DNAH14: variants seen among roughly 807,000 people sequenced by gnomAD.
DNAH14 encodes the protein axonemal beta dynein heavy chain 14.
Under a neutral mutation model 520.9 loss-of-function variants are expected in DNAH14, and 478 were observed. The observed-to-expected ratio is 0.92, with a 90% CI of 0.85 to 0.99. The LOEUF (loss-of-function observed/expected upper bound fraction) is 0.99, where lower values mean the gene tolerates loss of function less well. Among genes scored for constraint, DNAH14 ranks in the 50% least tolerant of loss-of-function variants. The probability of loss-of-function intolerance (pLI) is 0.00; values close to 1 mark genes in which losing one functional copy is unlikely to be tolerated. For missense variants in DNAH14, 4,831 were observed against 5,234.5 expected (o/e 0.92, Z 2.38); for synonymous variants, 1,581 against 1,757.2 (o/e 0.90, Z 2.51).
At chr1:225,311,738 A>G (rs1231136202) in intron 60 of DNAH14, among the ~76,000 whole-genome samples, 1 of 152,194 alleles carries the variant, frequency 6.6e-6, no homozygotes, top group Non-Finnish European at 1.5e-5. Flanking sequence ...CCAGTTTGTC[A>G]AAGATCAGAT....
At chr1:225,087,004 ACAC>A (rs1467882773) in intron 21 of DNAH14, among the ~76,000 whole-genome samples, 2 of 126,830 alleles carry the variant, frequency 1.6e-5, no homozygotes, top group African/African-American at 5.1e-5. Flanking sequence ...ACACACACAC[ACAC>A]ACACACACAC....
At chr1:225,228,745 G>A (rs758504795) in intron 41 of DNAH14, among the ~76,000 whole-genome samples, 15 of 152,160 alleles carry the variant, frequency 9.9e-5, no homozygotes, top group South Asian at 2.1e-4. Flanking sequence ...TGCTGCATGC[G>A]TCTGTACTCT....
chr1:225,344,223 CT>C (rs35070108), intron 69 of DNAH14, among the ~76,000 whole-genome samples: 2,473 of 140,244 alleles, frequency 0.018, 48 homozygotes, highest in African/African-American at 0.053. Context: ...TAAAACTGGG[CT>C]TTTTTTTTTT....
At chr1:224,967,617 T>A in intron 6 of DNAH14, 34 bp downstream of exon 6, 1 of 1,594,900 alleles carries the variant, frequency 6.3e-7, no homozygotes, top group Non-Finnish European at 8.5e-7. Flanking sequence ...GCTTTCAGAA[T>A]TATATTACAA....
chr1:225,228,527 C>T (rs2090773531), intron 41 of DNAH14, among the ~76,000 whole-genome samples: 1 of 152,080 alleles, frequency 6.6e-6, no homozygotes, highest in Non-Finnish European at 1.5e-5. Flanking sequence ...AATCCCTAAT[C>T]GCCGTAGATC....
chr1:225,158,068 A>G (rs1015098243), intron 34 of DNAH14, among the ~76,000 whole-genome samples: 1 of 152,220 alleles, frequency 6.6e-6, no homozygotes, highest in Non-Finnish European at 1.5e-5. Flanking sequence ...CAAAGAAATG[A>G]TAAATGTTTG....
intron 35 of DNAH14, among the ~76,000 whole-genome samples, chr1:225,167,583 G>T (rs2082151933): frequency 6.6e-6 from 1 of 152,114 alleles, no homozygotes; most frequent in East Asian, 1.9e-4. Context: ...TTACAAAAAG[G>T]TCTACAACCT....
chr1:225,104,061 C>T (rs2075785584), intron 23 of DNAH14, among the ~76,000 whole-genome samples: 2 of 152,126 alleles, frequency 1.3e-5, no homozygotes, highest in Admixed American at 1.3e-4. Flanking sequence ...TGAGATACGT[C>T]CCCTCAATAC....
intron 32 of DNAH14, among the ~76,000 whole-genome samples, 158 bp from the exon 33 acceptor site, chr1:225,152,539 T>C (rs1842332): frequency 0.13 from 19,446 of 152,174 alleles, 1,401 homozygotes; most frequent in East Asian, 0.31. Flanking sequence ...GGAAGCTCTG[T>C]AAGATGAAAG....
chr1:225,144,175 G>A (rs901694250), intron 28 of DNAH14, among the ~76,000 whole-genome samples: 4 of 152,148 alleles, frequency 2.6e-5, no homozygotes, highest in Admixed American at 6.5e-5. Flanking sequence ...TCAGAGGGAA[G>A]CATGTTCACA....
At chr1:225,372,931 C>G (rs958058278) in intron 77 of DNAH14, among the ~76,000 whole-genome samples, 7 of 151,896 alleles carry the variant, frequency 4.6e-5, no homozygotes, top group African/African-American at 1.7e-4. Context: ...AAAAGATGCT[C>G]AAAATAACCA....
chr1:225,160,493 T>G (rs1246940755), intron 35 of DNAH14, among the ~76,000 whole-genome samples: 1 of 152,170 alleles, frequency 6.6e-6, no homozygotes, highest in Non-Finnish European at 1.5e-5. Flanking sequence ...TGTAGGAAAG[T>G]TTGAAAATCT....
chr1:225,264,745 A>G (rs75724632), intron 47 of DNAH14, among the ~76,000 whole-genome samples: 5,588 of 152,216 alleles, frequency 0.037, 143 homozygotes, highest in Non-Finnish European at 0.056. Context: ...GGAATGGCCT[A>G]GAGATAGCTG....
At chr1:225,238,905 G>A (rs2091789868) in intron 42 of DNAH14, among the ~76,000 whole-genome samples, 1 of 152,122 alleles carries the variant, frequency 6.6e-6, no homozygotes, top group African/African-American at 2.4e-5. Flanking sequence ...CCACAATCTG[G>A]CAAAGCAGCT....
At chr1:225,156,277 T>C (rs188806819) in intron 34 of DNAH14, among the ~76,000 whole-genome samples, 2 of 152,200 alleles carry the variant, frequency 1.3e-5, no homozygotes, top group Non-Finnish European at 2.9e-5. Flanking sequence ...GGCTGCCTTA[T>C]AAAGTTATGA....
chr1:225,256,138 T>C (rs1558172724), intron 44 of DNAH14, among the ~76,000 whole-genome samples: 1 of 152,212 alleles, frequency 6.6e-6, no homozygotes, highest in Non-Finnish European at 1.5e-5. Flanking sequence ...AACCAAAGGA[T>C]CAACTTAAAA....
At chr1:225,247,947 A>G (rs1311238242) in intron 43 of DNAH14, among the ~76,000 whole-genome samples, 1 of 152,162 alleles carries the variant, frequency 6.6e-6, no homozygotes, top group Non-Finnish European at 1.5e-5. Context: ...TGAACCTGGG[A>G]GGTGGAGCTT....
At chr1:225,324,170 C>T in intron 62 of DNAH14, 52 bp from the exon 63 acceptor site, 1 of 1,541,364 alleles carries the variant, frequency 6.5e-7, no homozygotes, top group Non-Finnish European at 8.8e-7. Context: ...GGGAAAACTT[C>T]AGGTGAATAA....
chr1:225,223,473 A>G (rs1295635090), intron 41 of DNAH14, among the ~76,000 whole-genome samples: 1 of 152,184 alleles, frequency 6.6e-6, no homozygotes, highest in Non-Finnish European at 1.5e-5. Flanking sequence ...TTGAGGAGTA[A>G]TTAAAAGTCG....
Sources: allele counts gnomAD v4.1 joint callset (sites outside exome capture counted in the v4.1 genomes callset), GRCh38; gene constraint gnomAD v4.1.1; transcripts MANE v1.5; gene names NCBI Gene and HGNC (gene_info 2026-07-23, HGNC 2026-07-21).